The following FAM133A variants were observed in gnomAD, a reference collection of about 807,000 sequenced individuals.
FAM133A encodes protein FAM133A.
For missense variants in FAM133A, 159 were observed against 164.4 expected, an observed-to-expected ratio of 0.97 and a Z score of 0.18; for synonymous variants, 65 against 58.6, an observed-to-expected ratio of 1.11 and a Z score of -0.50.
intron 2 of FAM133A, among the ~76,000 whole-genome samples, chrX:93,687,731 C>T (rs1239841981): frequency 9.0e-6 from 1 of 111,556 alleles, no homozygotes; most frequent in East Asian, 2.8e-4. Context: ...TCTTACTATG[C>T]AATAGAACAC....
chrX:93,696,537 AAATG>A (rs1309538204), intron 2 of FAM133A, among the ~76,000 whole-genome samples: 1 of 112,169 alleles, frequency 8.9e-6, no homozygotes, highest in Non-Finnish European at 1.9e-5. Flanking sequence ...CTTCTTCAAG[AAATG>A]AGCAATTATT....
rs771794557 is a variant in FAM133A at position 93,709,581 on chromosome X, T to C, written c.162T>C (p.Gly54=). 15 of 1,197,102 alleles carry C rather than the reference T, an allele frequency of 1.3e-5. No individual in the cohort carries two copies. The highest frequency in any genetic ancestry group is 8.9e-5 in the African/African-American group (5 of 56,047). The stretch of plus-strand genomic sequence containing the variant: ...AACAATTAGAAAATAAAAAAACAGG[T>C]TCAAAAGCATTAGCTGAATTTGAAG... ...VKKQLENKKT[G]SKALAEFEEK... The change falls in exon 4 of 4, where the codon GGT becomes GGC. Residue 54 remains glycine (G), a synonymous_variant. Transcript: ENST00000683942.
At chrX:93,677,518 G>C (rs1417457379) in intron 2 of FAM133A, among the ~76,000 whole-genome samples, 1 of 111,401 alleles carries the variant, frequency 9.0e-6, no homozygotes, top group East Asian at 2.8e-4. Context: ...GTGTATCTGT[G>C]AAAGTATCAC....
At chrX:93,684,778 AAAC>A in intron 2 of FAM133A, among the ~76,000 whole-genome samples, 1 of 99,806 alleles carries the variant, frequency 1.0e-5, no homozygotes, top group Admixed American at 1.0e-4. Flanking sequence ...TTAAAAAAAC[AAAC>A]ATTTAACACA....
chrX:93,694,399 G>T (rs1188942370), intron 2 of FAM133A, among the ~76,000 whole-genome samples: 1 of 110,167 alleles, frequency 9.1e-6, no homozygotes, highest in Non-Finnish European at 1.9e-5. Context: ...TCAATACAAA[G>T]GGGTCAGAAA....
chrX:93,687,676 C>T (rs1925626952), intron 2 of FAM133A, among the ~76,000 whole-genome samples: 1 of 111,085 alleles, frequency 9.0e-6, no homozygotes, highest in Non-Finnish European at 1.9e-5. Flanking sequence ...AACCTTTCTT[C>T]TAGCGATTTT....
intron 2 of FAM133A, among the ~76,000 whole-genome samples, chrX:93,677,455 A>G (rs1924794154): frequency 9.0e-6 from 1 of 111,536 alleles, no homozygotes; most frequent in Non-Finnish European, 1.9e-5. Flanking sequence ...TACACAAGTG[A>G]ATTCTTTTTT....
intron 2 of FAM133A, among the ~76,000 whole-genome samples, chrX:93,683,179 G>A (rs982747526): frequency 1.8e-5 from 2 of 111,783 alleles, no homozygotes; most frequent in Admixed American, 1.9e-4. Context: ...GAAATCTAAT[G>A]ATGATCCACA....
intron 3 of FAM133A, among the ~76,000 whole-genome samples, chrX:93,701,384 T>A (rs1926692324): frequency 1.8e-5 from 2 of 112,017 alleles, no homozygotes; most frequent in South Asian, 7.4e-4. Flanking sequence ...TACAAGACAT[T>A]TGTTAAATAG....
intron 2 of FAM133A, among the ~76,000 whole-genome samples, chrX:93,680,729 G>T (rs138805947): frequency 0.011 from 1,179 of 111,279 alleles, 22 homozygotes; most frequent in African/African-American, 0.037. Context: ...ACCTATTGGC[G>T]ATTTGTATGC....
intron 2 of FAM133A, among the ~76,000 whole-genome samples, chrX:93,695,601 C>T (rs1350046574): frequency 1.9e-5 from 2 of 103,171 alleles, no homozygotes; most frequent in Non-Finnish European, 3.9e-5. Context: ...GAAATTCTGA[C>T]ACACTTGGTC....
rs774605543 is a variant in FAM133A at position 93,709,803 on chromosome X, A to T, written c.384A>T (p.Gly128=). ...CTGAGGATGAGGAAAAGAAACAAGG[A>T]AAAAGGAGAAAGAAAAAGAAGAACC... ...SDSEDEEKKQ[G]KRRKKKKNRS... The change falls in exon 4 of 4, where the codon GGA becomes GGT. Residue 128 remains glycine, a synonymous_variant. Coordinates refer to ENST00000683942, the MANE Select transcript of FAM133A (RefSeq NM_001171109.2). 1 of 1,194,713 alleles carries T rather than the reference A, an allele frequency of 8.4e-7. No homozygotes were observed. The highest frequency in any genetic ancestry group is 3.0e-5 in the East Asian group (1 of 33,409).
intron 2 of FAM133A, among the ~76,000 whole-genome samples, chrX:93,682,596 C>G (rs1197960863): frequency 8.9e-6 from 1 of 112,047 alleles, no homozygotes; most frequent in Non-Finnish European, 1.9e-5. Flanking sequence ...AACAAATGAA[C>G]TGGCTTCCTT....
chrX:93,676,085 A>G (rs749407928), intron 2 of FAM133A, among the ~76,000 whole-genome samples: 2 of 110,921 alleles, frequency 1.8e-5, no homozygotes, highest in Non-Finnish European at 3.8e-5. Context: ...TTATTTGGTA[A>G]TCTTTCTATC....
At chrX:93,673,988 TAAAAAAAAAAAA>T (rs946167250), upstream of FAM133A, 5 of 38,732 alleles carry the variant, frequency 1.3e-4, no homozygotes, top group African/African-American at 3.5e-4. Context: ...CAAAAAGCTG[TAAAAAAAAAAAA>T]AAAAAAAAAA....
intron 2 of FAM133A, among the ~76,000 whole-genome samples, chrX:93,688,261 A>G (rs1292990374): frequency 9.1e-6 from 1 of 110,180 alleles, no homozygotes; most frequent in Non-Finnish European, 1.9e-5. Flanking sequence ...CAAAATGACT[A>G]TACTAATTTA....
chrX:93,677,353 T>TTTTTTTGTAGG (rs1243996041), intron 2 of FAM133A, among the ~76,000 whole-genome samples: 2 of 111,461 alleles, frequency 1.8e-5, no homozygotes, highest in East Asian at 5.6e-4. Context: ...CAGCATTATC[T>TTTTTTTGTAGG]TTTTTTGTAG....
intron 2 of FAM133A, among the ~76,000 whole-genome samples, chrX:93,696,095 C>T (rs1179687494): frequency 2.7e-5 from 3 of 111,888 alleles, no homozygotes; most frequent in Non-Finnish European, 5.6e-5. Context: ...TTTCTGTTAA[C>T]TGACTGAATT....
chrX:93,674,732 G>A lies in FAM133A; in HGVS notation c.-213G>A, dbSNP rs1602776747. On this transcript the variant is annotated 5_prime_UTR_variant, in exon 2 of 4. Transcript: ENST00000683942. ...TCCCTTGGTACAATAAAAAAGACGA[G>A]TATTTACTTTTCATTGAAAGGTAAG... The A allele has an allele frequency of 9.0e-6, 1 of 111,234 alleles. No individual in the cohort carries two copies. Among genetic ancestry groups the A allele is most frequent in the Non-Finnish European group, 1.9e-5 (1 of 53,000 alleles). The allele number at this position is 111,234 out of a possible 1,213,427, so 9.2% of individuals were successfully genotyped here.
Sources: allele counts gnomAD v4.1 joint callset (sites outside exome capture counted in the v4.1 genomes callset), GRCh38; gene constraint gnomAD v4.1.1; transcripts MANE v1.5; gene names NCBI Gene and HGNC (gene_info 2026-07-23, HGNC 2026-07-21).